CNTN5: variants seen among roughly 807,000 people sequenced by gnomAD.
CNTN5 encodes contactin-5.
Under a neutral mutation model 129.1 loss-of-function variants are expected in CNTN5, and 77 were observed. The observed-to-expected ratio is 0.60, with a 90% CI of 0.50 to 0.72. The LOEUF is 0.72. CNTN5 is among the 30% of genes least tolerant of loss of function. CNTN5 has a pLI of 0.00. For synonymous variants in CNTN5, 509 were observed against 465.6 expected, an observed-to-expected ratio of 1.09 and a Z score of -1.20; for missense variants, 1,478 against 1,328.8, an observed-to-expected ratio of 1.11 and a Z score of -1.75.
intron 9 of CNTN5, among the ~76,000 whole-genome samples, chr11:100,051,762 C>G (rs1591136849): frequency 6.6e-6 from 1 of 151,788 alleles, no homozygotes; most frequent in East Asian, 1.9e-4. Context: ...AAAGAGGAAA[C>G]ATCACTACGT....
At chr11:99,650,744 C>T (rs1376257468) in intron 3 of CNTN5, among the ~76,000 whole-genome samples, 1 of 151,832 alleles carries the variant, frequency 6.6e-6, no homozygotes, top group East Asian at 1.9e-4. Flanking sequence ...TTCAACATTC[C>T]AATTATGACT....
chr11:99,087,849 GAC>G (rs1178540910), intron 1 of CNTN5, among the ~76,000 whole-genome samples: 8 of 152,138 alleles, frequency 5.3e-5, no homozygotes, highest in African/African-American at 1.2e-4. Flanking sequence ...TTTTCCCTAA[GAC>G]ACAGTCTTCT....
At chr11:99,901,446 A>C (rs930137441) in intron 6 of CNTN5, among the ~76,000 whole-genome samples, 3 of 152,068 alleles carry the variant, frequency 2.0e-5, no homozygotes, top group African/African-American at 7.2e-5. Context: ...GTGCACCACC[A>C]TGCCCTGCTA....
At chr11:99,886,605 T>C (rs768051313) in intron 6 of CNTN5, among the ~76,000 whole-genome samples, 1 of 152,120 alleles carries the variant, frequency 6.6e-6, no homozygotes, top group Non-Finnish European at 1.5e-5. Context: ...CCATATACCA[T>C]GAGACATATA....
At chr11:100,342,898 A>G (rs1481589293) in intron 23 of CNTN5, among the ~76,000 whole-genome samples, 4 of 152,168 alleles carry the variant, frequency 2.6e-5, no homozygotes, top group Non-Finnish European at 5.9e-5. Context: ...TAGTTGAGTA[A>G]TTTAAGTAAG....
chr11:99,305,873 C>T (rs1422190772), intron 1 of CNTN5, among the ~76,000 whole-genome samples: 1 of 151,564 alleles, frequency 6.6e-6, no homozygotes, highest in African/African-American at 2.4e-5. Context: ...CCCAGCTACT[C>T]GGGAGGCTGA....
chr11:100,256,602 A>G (rs1950075096), intron 17 of CNTN5, among the ~76,000 whole-genome samples: 1 of 152,128 alleles, frequency 6.6e-6, no homozygotes, highest in Non-Finnish European at 1.5e-5. Context: ...TGAGGTACTA[A>G]GCTCATCTCA....
chr11:99,962,748 G>A (rs1393882030), intron 8 of CNTN5, among the ~76,000 whole-genome samples: 1 of 151,376 alleles, frequency 6.6e-6, no homozygotes, highest in Non-Finnish European at 1.5e-5. Context: ...CTTCCACAAT[G>A]GTTGAAGTAG....
At chr11:99,824,653 A>T (rs1946898451) in intron 4 of CNTN5, among the ~76,000 whole-genome samples, 1 of 151,992 alleles carries the variant, frequency 6.6e-6, no homozygotes, top group Admixed American at 6.6e-5. Flanking sequence ...TCCTAAAAAA[A>T]ACCCTTTTTA....
intron 1 of CNTN5, among the ~76,000 whole-genome samples, chr11:99,155,843 T>C (rs1860308776): frequency 6.6e-6 from 1 of 152,188 alleles, no homozygotes; most frequent in African/African-American, 2.4e-5. Flanking sequence ...AGTGACACTT[T>C]AAATCAGTGG....
intron 2 of CNTN5, among the ~76,000 whole-genome samples, chr11:99,440,824 C>T (rs112600824): frequency 4.8e-4 from 73 of 152,188 alleles, no homozygotes; most frequent in African/African-American, 1.7e-3. Context: ...AATGTAATCC[C>T]GTGATCATCA....
At chr11:99,939,439 G>C in intron 7 of CNTN5, among the ~76,000 whole-genome samples, 1 of 151,924 alleles carries the variant, frequency 6.6e-6, no homozygotes, top group Non-Finnish European at 1.5e-5. Context: ...CATTGATTCA[G>C]AATTCTTCAC....
intron 7 of CNTN5, among the ~76,000 whole-genome samples, chr11:99,956,133 T>C (rs1026651410): frequency 1.3e-5 from 2 of 152,138 alleles, no homozygotes; most frequent in African/African-American, 2.4e-5. Flanking sequence ...ATTCATTAAG[T>C]TCTTAGGTAC....
intron 7 of CNTN5, among the ~76,000 whole-genome samples, chr11:99,917,803 T>C (rs1397625047): frequency 2.0e-5 from 3 of 152,182 alleles, no homozygotes; most frequent in East Asian, 1.9e-4. Flanking sequence ...GAGAATATAG[T>C]ACAATGAATT....
At chr11:99,920,722 G>T (rs1002347385) in intron 7 of CNTN5, among the ~76,000 whole-genome samples, 2 of 152,142 alleles carry the variant, frequency 1.3e-5, no homozygotes, top group African/African-American at 4.8e-5. Flanking sequence ...GAAGGGGCCA[G>T]ACAGCTCTCT....
intron 1 of CNTN5, among the ~76,000 whole-genome samples, chr11:99,063,537 TAAATAAATAAATAAAC>T (rs1415603768): frequency 7.8e-5 from 7 of 89,354 alleles, no homozygotes; most frequent in African/African-American, 2.1e-4. Flanking sequence ...AATAAATAAA[TAAATAAATAAATAAAC>T]GCATGAGCAT....
Position 99,951,525 on chromosome 11 carries a change from A to G in CNTN5, c.674-5281A>G, listed in dbSNP as rs549124968. On this transcript the variant is annotated intron_variant, in intron 7 of 24. Transcript: ENST00000524871. Reference sequence around the variant, plus strand: ...AGAATATTAATAAGCATGCTCAAGCAGAGGCAAATAATTGGTCATCCATGA... The same window carrying G: ...AGAATATTAATAAGCATGCTCAAGCGGAGGCAAATAATTGGTCATCCATGA... Among the ~76,000 whole-genome samples, 6 of 152,236 alleles carry G rather than the reference A, an allele frequency of 3.9e-5. No individual in the cohort carries two copies. In the South Asian group the frequency reaches 1.2e-3, roughly 32 times the overall value.
At chr11:99,947,959 A>C (rs748476017) in intron 7 of CNTN5, among the ~76,000 whole-genome samples, 17 of 152,184 alleles carry the variant, frequency 1.1e-4, no homozygotes, top group Non-Finnish European at 2.2e-4. Context: ...AAATTTAATT[A>C]TTCGTGTTAT....
chr11:100,284,402 A>C (rs1489506420), intron 18 of CNTN5, among the ~76,000 whole-genome samples: 1 of 152,232 alleles, frequency 6.6e-6, no homozygotes, highest in Non-Finnish European at 1.5e-5. Context: ...TTGATAAATA[A>C]AGATAGACAG....
Sources: allele counts gnomAD v4.1 joint callset (sites outside exome capture counted in the v4.1 genomes callset), GRCh38; gene constraint gnomAD v4.1.1; transcripts MANE v1.5; gene names NCBI Gene and HGNC (gene_info 2026-07-23, HGNC 2026-07-21).